Variants in FHIT observed in about 807,000 individuals in gnomAD.
FHIT encodes the protein fragile histidine triad diadenosine triphosphatase, also known as bis(5'-adenosyl)-triphosphatase.
A neutral mutation model predicts 17.9 loss-of-function variants in FHIT; 19 were observed. The ratio of observed to expected loss-of-function variants is 1.06; its 90% confidence interval spans 0.74 to 1.56. The LOEUF is 1.56. Among genes scored for constraint, FHIT ranks in the 40% most tolerant of loss-of-function variants. FHIT has a pLI of 0.00. For synonymous variants in FHIT, 81 were observed against 69.7 expected (o/e 1.16, Z -0.81); for missense variants, 248 against 189.2 (o/e 1.31, Z -1.82).
At chr3:59,927,934 C>A (rs1460096301) in intron 7 of FHIT, among the ~76,000 whole-genome samples, 1 of 152,196 alleles carries the variant, frequency 6.6e-6, no homozygotes, top group Non-Finnish European at 1.5e-5. Context: ...ATCTCTTCTG[C>A]CCATACTCAC....
intron 4 of FHIT, among the ~76,000 whole-genome samples, chr3:60,711,849 G>C (rs1269660976): frequency 6.6e-6 from 1 of 152,182 alleles, no homozygotes; most frequent in African/African-American, 2.4e-5. Context: ...AAAACACTCT[G>C]CAGGATATTA....
chr3:59,851,120 A>G (rs1701914778), intron 8 of FHIT, among the ~76,000 whole-genome samples: 1 of 152,112 alleles, frequency 6.6e-6, no homozygotes, highest in Non-Finnish European at 1.5e-5. Flanking sequence ...ATCTTCTAAC[A>G]AGGTCAATCT....
intron 3 of FHIT, among the ~76,000 whole-genome samples, chr3:60,932,160 C>G (rs886518518): frequency 1.3e-5 from 2 of 152,152 alleles, no homozygotes; most frequent in East Asian, 3.8e-4. Flanking sequence ...AATAAAAAAC[C>G]ATTGTGCTAA....
intron 9 of FHIT, chr3:59,749,790 T>C (rs1700786437): frequency 9.0e-6 from 2 of 222,452 alleles, no homozygotes; most frequent in Admixed American, 1.2e-4. Flanking sequence ...CCTGTGAGGA[T>C]GGTTTCAATA....
At position 60,466,729 on chromosome 3, in the gene FHIT, G is replaced by A. The variant is rs557406538; in HGVS notation, c.103+70131C>T. On this transcript the variant is annotated intron_variant, in intron 5 of 9. Coordinates refer to ENST00000492590, the MANE Select transcript of FHIT (RefSeq NM_002012.4). ...ACTGGAATAAATCCCGCTTGGTCATGATAAATGCTTTTTTTAATGTGTTGC... is the reference window on the plus strand; with the variant it reads ...ACTGGAATAAATCCCGCTTGGTCATAATAAATGCTTTTTTTAATGTGTTGC... 4.0e-5 allele frequency among the ~76,000 whole-genome samples: 6 copies of A among 151,750 alleles called. No homozygotes were observed. In the South Asian group the frequency reaches 1.3e-3, roughly 32 times the overall value.
intron 5 of FHIT, among the ~76,000 whole-genome samples, chr3:60,060,791 A>G (rs1015306461): frequency 6.6e-6 from 1 of 152,214 alleles, no homozygotes; most frequent in African/African-American, 2.4e-5. Flanking sequence ...TGTACCAGTT[A>G]GATTTAATCA....
chr3:60,174,611 T>G (rs1473401874), intron 5 of FHIT, among the ~76,000 whole-genome samples: 2 of 151,928 alleles, frequency 1.3e-5, no homozygotes, highest in Admixed American at 6.6e-5. Flanking sequence ...GGAACCTGAT[T>G]ATAAATCTAT....
intron 2 of FHIT, among the ~76,000 whole-genome samples, chr3:61,095,232 T>C (rs1374910703): frequency 2.0e-5 from 3 of 152,202 alleles, no homozygotes; most frequent in Non-Finnish European, 4.4e-5. Flanking sequence ...CTATACAATG[T>C]TGAAAAGTGG....
At chr3:60,417,117 GAAC>G (rs1462151370) in intron 5 of FHIT, among the ~76,000 whole-genome samples, 4 of 151,398 alleles carry the variant, frequency 2.6e-5, no homozygotes, top group Admixed American at 1.3e-4. Context: ...AAAAATTTGA[GAAC>G]AACTATTAGA....
intron 5 of FHIT, among the ~76,000 whole-genome samples, chr3:60,237,531 G>C (rs985490979): frequency 6.6e-6 from 1 of 152,038 alleles, no homozygotes; most frequent in African/African-American, 2.4e-5. Context: ...AAACTATCTT[G>C]TTTAATCCTC....
chr3:60,703,881 T>A (rs1454339287), intron 4 of FHIT, among the ~76,000 whole-genome samples: 1 of 152,214 alleles, frequency 6.6e-6, no homozygotes, highest in African/African-American at 2.4e-5. Flanking sequence ...TGATTATTGG[T>A]ATTAAATGTT....
At chr3:60,731,627 G>C (rs2042032065) in intron 4 of FHIT, among the ~76,000 whole-genome samples, 1 of 152,028 alleles carries the variant, frequency 6.6e-6, no homozygotes, top group African/African-American at 2.4e-5. Flanking sequence ...GTCCCTATAA[G>C]GTCATACACC....
At chr3:60,082,710 AT>A (rs1186817091) in intron 5 of FHIT, among the ~76,000 whole-genome samples, 2 of 151,980 alleles carry the variant, frequency 1.3e-5, no homozygotes. Flanking sequence ...TTGGATTTGT[AT>A]TTCTCTGATG....
chr3:61,219,134 T>C (rs955213919), intron 1 of FHIT, among the ~76,000 whole-genome samples: 1 of 152,186 alleles, frequency 6.6e-6, no homozygotes, highest in Non-Finnish European at 1.5e-5. Flanking sequence ...ATGATAAGTA[T>C]TTGTGTATCT....
intron 8 of FHIT, among the ~76,000 whole-genome samples, chr3:59,901,378 T>C (rs1003155046): frequency 6.6e-6 from 1 of 152,162 alleles, no homozygotes; most frequent in African/African-American, 2.4e-5. Context: ...GGGAGAGGTA[T>C]CATGAGGATT....
At chr3:60,796,467 G>C (rs1174881718) in intron 4 of FHIT, among the ~76,000 whole-genome samples, 2 of 152,050 alleles carry the variant, frequency 1.3e-5, no homozygotes, top group African/African-American at 4.8e-5. Context: ...CGAGGCTTTA[G>C]CTGTAGCCCA....
At chr3:61,246,005 A>T (rs1295557143) in intron 1 of FHIT, among the ~76,000 whole-genome samples, 1 of 152,216 alleles carries the variant, frequency 6.6e-6, no homozygotes, top group Non-Finnish European at 1.5e-5. Flanking sequence ...GTTGCAGTAG[A>T]GAAGTTGGCT....
At chr3:59,762,708 CG>C (rs1559582215) in intron 8 of FHIT, among the ~76,000 whole-genome samples, 1 of 152,156 alleles carries the variant, frequency 6.6e-6, no homozygotes, top group Non-Finnish European at 1.5e-5. Flanking sequence ...CCTCTAAGCC[CG>C]GAGGGCCCTG....
intron 5 of FHIT, among the ~76,000 whole-genome samples, chr3:60,047,910 G>C (rs751223498): frequency 2.0e-5 from 3 of 152,172 alleles, no homozygotes; most frequent in African/African-American, 7.2e-5. Context: ...AGGTGTATCA[G>C]TTTGGTGGGG....
Sources: gnomAD v4.1 joint callset for allele counts (sites outside exome capture counted in the v4.1 genomes callset) on GRCh38, gnomAD v4.1.1 for gene constraint, MANE v1.5 for transcripts, NCBI Gene and HGNC (gene_info 2026-07-23, HGNC 2026-07-21) for gene names.